Variants in GRHL3 observed in about 807,000 individuals in gnomAD.
GRHL3 encodes the protein grainyhead like transcription factor 3.
A neutral mutation model predicts 70.3 loss-of-function variants in GRHL3; 20 were observed. The observed-to-expected ratio is 0.28, with a 90% CI of 0.20 to 0.41. GRHL3 has a LOEUF of 0.41. Ranked by LOEUF, GRHL3 falls within the 10% of genes least tolerant of loss-of-function variation. The pLI, the probability that GRHL3 is intolerant of heterozygous loss-of-function variation, is 1.00. For synonymous variants in GRHL3, 299 were observed against 299.9 expected (o/e 1.00, Z 0.03); for missense variants, 637 against 762.3 (o/e 0.84, Z 1.94).
At chr1:24,362,205 T>C (rs1470018689) in intron 15 of GRHL3, among the ~76,000 whole-genome samples, 2 of 152,204 alleles carry the variant, frequency 1.3e-5, no homozygotes, top group Non-Finnish European at 2.9e-5. Flanking sequence ...CAACAACTTC[T>C]TAAACACAGA....
rs1314361752 is a variant in GRHL3, at chr1:24,342,724, C to T, written c.1237C>T (p.Arg413Trp). The change falls in exon 10 of 16, where the codon CGG becomes TGG. Residue 413 changes from arginine to tryptophan, a missense_variant. Around this residue, in one of 2 missense-constraint regions of GRHL3, gnomAD observed 387 missense variants for 513.8 expected, o/e 0.75. Transcript: ENST00000361548. The surrounding 1 kb of genome is among the most constrained non-coding windows in gnomAD (Gnocchi z 4.8). ...GAERKMRDDE[R>W]KQFRRKVKCP... ...TGAGAGGAAGATGCGCGATGACGAGCGGAAGCAGTTCCGGAGGAAGGTCAA... is the reference window on the plus strand; with the variant it reads ...TGAGAGGAAGATGCGCGATGACGAGTGGAAGCAGTTCCGGAGGAAGGTCAA... The T allele has an allele frequency of 1.2e-5, 20 of 1,614,068 alleles. No individual in the cohort carries two copies. Among genetic ancestry groups the T allele is most frequent in the Admixed American group, 3.3e-5 (2 of 60,006 alleles).
chr1:24,336,126 G>A (rs1330245251), intron 3 of GRHL3, among the ~76,000 whole-genome samples: 2 of 152,026 alleles, frequency 1.3e-5, no homozygotes, highest in Non-Finnish European at 2.9e-5. Context: ...ACCCCGCTAG[G>A]GTTGACTCAA....
intron 3 of GRHL3, 151 bp from the exon 4 acceptor site, chr1:24,336,331 G>T: frequency 1.8e-6 from 1 of 558,248 alleles, no homozygotes. Flanking sequence ...TGGCCAATTG[G>T]GCTGCTACAG....
chr1:24,353,818 G>C (rs918763878), intron 15 of GRHL3, among the ~76,000 whole-genome samples: 2 of 152,084 alleles, frequency 1.3e-5, no homozygotes, highest in African/African-American at 4.8e-5. Context: ...TCCTTGCCTG[G>C]AGAATATGGG....
chr1:24,319,439 C>G lies in GRHL3; in HGVS notation c.-113C>G. ...GTCAGCAAAATCTCGACACCCAAACCTCAACATAAATCAAACACTTTCCCG... is the reference window on the plus strand; with the variant it reads ...GTCAGCAAAATCTCGACACCCAAACGTCAACATAAATCAAACACTTTCCCG... On this transcript the variant is annotated 5_prime_UTR_variant, in exon 1 of 16. Transcript: ENST00000361548. The G allele has an allele frequency of 1.3e-5, 16 of 1,200,812 alleles. No individual in the cohort carries two copies. Among genetic ancestry groups the G allele is most frequent in the Non-Finnish European group, 1.9e-5 (15 of 807,392 alleles). 74.4% of individuals were successfully genotyped at this position (1,200,812 alleles called of 1,614,324 possible). A position where few individuals can be genotyped will look rare whatever the true frequency, so the allele number is the denominator to read the frequency against.
chr1:24,346,510 G>A (rs760748970), intron 12 of GRHL3, 43 bp from the exon 13 acceptor site: 2 of 1,440,978 alleles, frequency 1.4e-6, no homozygotes, highest in Non-Finnish European at 2.0e-6. Flanking sequence ...GCCTCTAGGG[G>A]TCCCCAAGTT....
rs1364030031 is a variant in GRHL3, at chr1:24,319,360, C to T, written c.-192C>T. 6 of 656,242 alleles carry T rather than the reference C, an allele frequency of 9.1e-6. No homozygotes were observed. In the East Asian group the frequency reaches 1.1e-4, roughly 12 times the overall value. The allele number at this position is 656,242 out of a possible 1,614,324, so 40.7% of individuals were successfully genotyped here. The stretch of plus-strand genomic sequence containing the variant: ...GCACCTGTTGAGGTATACCTCCAGT[C>T]GCCGGCACCTGTACCTGTAGCCAAT... On this transcript the variant is annotated 5_prime_UTR_variant, in exon 1 of 16. Transcript: ENST00000361548.
At chr1:24,340,788 T>G (rs1024736514) in intron 8 of GRHL3, among the ~76,000 whole-genome samples, 2 of 152,008 alleles carry the variant, frequency 1.3e-5, no homozygotes, top group African/African-American at 4.8e-5. Flanking sequence ...AGGCAGGGAT[T>G]ATTATTATTC....
rs780923115 is a variant in GRHL3 at position 24,354,538 on chromosome 1, C to T, written c.*50C>T. 1.6e-5 allele frequency: 18 copies of T among 1,147,038 alleles called. No individual in the cohort carries two copies. The highest frequency in any genetic ancestry group is 6.9e-5 in the Admixed American group (4 of 58,018). 71.1% of individuals were successfully genotyped at this position (1,147,038 alleles called of 1,614,324 possible). A position where few individuals can be genotyped will look rare whatever the true frequency, so the allele number is the denominator to read the frequency against. ...ACGACCTGCAAGGGGCCAGCAGGGACGTGGCCCCACGCCACACACAACCTC... is the reference window on the plus strand; with the variant it reads ...ACGACCTGCAAGGGGCCAGCAGGGATGTGGCCCCACGCCACACACAACCTC... On this transcript the variant is annotated 3_prime_UTR_variant, in exon 16 of 16. Transcript: ENST00000361548.
At chr1:24,319,741 G>A in intron 1 of GRHL3, 173 bp downstream of exon 1, 5 of 1,536,866 alleles carry the variant, frequency 3.3e-6, no homozygotes, top group Non-Finnish European at 4.4e-6. Context: ...CCAGTCTCAA[G>A]CTAGAGGTGA....
At position 24,342,945 on chromosome 1, in the gene GRHL3, C is replaced by T. The variant is rs138087584; in HGVS notation, c.1339C>T (p.Arg447Trp). The T allele has an allele frequency of 8.1e-6, 13 of 1,614,028 alleles. No individual in the cohort carries two copies. The highest frequency in any genetic ancestry group is 4.5e-5 in the East Asian group (2 of 44,882). ...CAGGGGCAATGAGACGACCTACCTT[C>T]GGCCAGAGACTGACCTGGAGACGCC... ...GFRGNETTYLRPETDLETPPV... is the reference protein window; with the variant it reads ...GFRGNETTYLWPETDLETPPV... Residue 447 changes from arginine (R) to tryptophan (W), a missense_variant, in exon 11 of 16, where the codon CGG becomes TGG. This residue lies in a region of GRHL3 where 387 missense variants were observed against 513.8 expected (regional missense o/e 0.75). Coordinates refer to ENST00000361548, the MANE Select transcript of GRHL3 (RefSeq NM_198173.3). This position sits in a 1 kb window ranked among gnomAD's most constrained non-coding sequence, Gnocchi z 4.8.
At chr1:24,346,675 C>G (rs1289994431) in intron 13 of GRHL3, 34 bp downstream of exon 13, 6 of 1,507,604 alleles carry the variant, frequency 4.0e-6, no homozygotes, top group Non-Finnish European at 5.5e-6. Flanking sequence ...ACTCACCAGG[C>G]CCACCCCAGC....
chr1:24,329,515 C>T (rs536194537), intron 1 of GRHL3, among the ~76,000 whole-genome samples: 2 of 152,278 alleles, frequency 1.3e-5, no homozygotes, highest in South Asian at 2.1e-4. Context: ...CCTTTGTGCT[C>T]GATAAGGCTG....
intron 15 of GRHL3, among the ~76,000 whole-genome samples, chr1:24,363,078 A>G (rs973395357): frequency 5.3e-5 from 8 of 152,170 alleles, no homozygotes; most frequent in African/African-American, 1.9e-4. Flanking sequence ...ATCAACCATT[A>G]TATGAGGTCA....
rs1289994431 is a variant in GRHL3 at position 24,346,675 on chromosome 1, C to T, written c.1543+34C>T. 2.7e-6 allele frequency: 4 copies of T among 1,507,722 alleles called. No individual in the cohort carries two copies. The Admixed American group carries it at 5.1e-5, about 19-fold the overall frequency. The allele number at this position is 1,507,722 out of a possible 1,614,324, so 93.4% of individuals were successfully genotyped here. On this transcript the variant is annotated intron_variant, in intron 13 of 15. Transcript: ENST00000361548. The stretch of plus-strand genomic sequence containing the variant: ...CCGCCCTCCTCATTTACTCACCAGG[C>T]CCACCCCAGCTCCCACCTCCCTCAT...
downstream of GRHL3, chr1:24,356,894 C>T (rs970536768): frequency 1.3e-5 from 2 of 152,186 alleles, no homozygotes; most frequent in East Asian, 1.9e-4. Flanking sequence ...AACCTCCCAG[C>T]GCTGACAGTC....
intron 8 of GRHL3, 53 bp downstream of exon 8, chr1:24,339,815 A>C (rs1639969854): frequency 1.7e-6 from 2 of 1,200,970 alleles, no homozygotes; most frequent in African/African-American, 1.5e-5. Flanking sequence ...GGAAGTCCCT[A>C]TTCTGGGGTA....
At chr1:24,345,563 G>A (rs1234107199) in intron 12 of GRHL3, among the ~76,000 whole-genome samples, 1 of 152,082 alleles carries the variant, frequency 6.6e-6, no homozygotes, top group Non-Finnish European at 1.5e-5. Flanking sequence ...AAGGAAAAGA[G>A]TCTGTGGTGG....
chr1:24,347,702 G>T, intron 14 of GRHL3, 149 bp downstream of exon 14: 1 of 644,606 alleles, frequency 1.6e-6, no homozygotes, highest in Non-Finnish European at 2.8e-6. Context: ...GGCCTGAGGG[G>T]CCCTGCCGGT....
Sources: allele counts gnomAD v4.1 joint callset (sites outside exome capture counted in the v4.1 genomes callset), GRCh38; gene constraint gnomAD v4.1.1; regional missense constraint gnomAD v4.1.1; non-coding constraint Gnocchi (gnomAD v3.1); transcripts MANE v1.5; gene names NCBI Gene and HGNC (gene_info 2026-07-23, HGNC 2026-07-21).